AGR2: variants seen among roughly 807,000 people sequenced by gnomAD.
The protein encoded by AGR2 is anterior gradient 2, protein disulphide isomerase family member, also known as anterior gradient protein 2 homolog.
Under a neutral mutation model 25.9 loss-of-function variants are expected in AGR2, and 27 were observed. The observed-to-expected ratio is 1.04, with a 90% confidence interval of 0.77 to 1.44. AGR2 has a LOEUF of 1.44. AGR2 is among the 40% of genes most tolerant of loss of function. The pLI, the probability that AGR2 is intolerant of heterozygous loss-of-function variation, is 0.00. For missense variants in AGR2, 182 were observed against 200.9 expected (o/e 0.91, Z 0.57); for synonymous variants, 78 against 72.0 (o/e 1.08, Z -0.42).
rs1385015005 is a variant in AGR2 at position 16,795,050 on chromosome 7, G to A, written c.395-31C>T. 5 of 1,611,272 alleles carry A rather than the reference G, an allele frequency of 3.1e-6. No homozygotes were observed. The South Asian group carries it at 4.4e-5, about 14-fold the overall frequency. On this transcript the variant is annotated intron_variant, in intron 6 of 7. Coordinates refer to ENST00000419304, the MANE Select transcript of AGR2 (RefSeq NM_006408.4). ...AAGATAAATGAAGCAAAAGGGAATG[G>A]AATGGTTTGTTTTCAAACAACCTGT...
intron 6 of AGR2, among the ~76,000 whole-genome samples, chr7:16,797,339 T>C (rs942591313): frequency 6.6e-6 from 1 of 152,218 alleles, no homozygotes; most frequent in Admixed American, 6.5e-5. Context: ...TTCAGGAAAT[T>C]TATCAATATG....
intron 5 of AGR2, among the ~76,000 whole-genome samples, chr7:16,798,444 G>C (rs543135536): frequency 6.6e-6 from 1 of 152,320 alleles, no homozygotes; most frequent in South Asian, 2.1e-4. Flanking sequence ...AGTGGCGAAA[G>C]AAGGTGCTAG....
chr7:16,792,564 TTTGTC>T lies in AGR2; in HGVS notation c.*339_*343del. 4.2e-6 allele frequency: 1 copy of T among 236,038 alleles called. No homozygotes were observed. Among genetic ancestry groups the T allele is most frequent in the East Asian group, 9.7e-5 (1 of 10,264 alleles). The allele number at this position is 236,038 out of a possible 1,614,324, so 14.6% of individuals were successfully genotyped here. On this transcript the variant is annotated 3_prime_UTR_variant, in exon 8 of 8. Transcript: ENST00000419304. ...CTTCATCATTTGAACTAGTTTTGGT[TTTGTC>T]TTGTCCCTTCCTTGAGCATTTTGTG... is the stretch of plus-strand genomic sequence containing the variant.
rs1377751736 is a variant in AGR2 at position 16,792,026 on chromosome 7, G to A, written c.*882C>T. The A allele has an allele frequency of 6.6e-6, 1 of 152,190 alleles. No homozygotes were observed. The highest frequency in any genetic ancestry group is 1.5e-5 in the Non-Finnish European group (1 of 68,056). 9.4% of individuals were successfully genotyped at this position (152,190 alleles called of 1,614,324 possible). A position where few individuals can be genotyped will look rare whatever the true frequency, so the allele number is the denominator to read the frequency against. On this transcript the variant is annotated 3_prime_UTR_variant, in exon 8 of 8. Transcript: ENST00000419304. ...GTTAGGCAGAATGCTCCCCTACCCT[G>A]ATGCCACAGCCTTTCACGTTTCCTA...
intron 7 of AGR2, 32 bp from the exon 8 acceptor site, chr7:16,792,989 C>A (rs1198570994): frequency 6.3e-7 from 1 of 1,594,458 alleles, no homozygotes; most frequent in African/African-American, 1.3e-5. Context: ...AGAGTCAAGA[C>A]ACCATCGTGC....
Position 16,801,950 on chromosome 7 carries a change from C to T in AGR2, c.-7-147G>A. On this transcript the variant is annotated intron_variant, in intron 1 of 7. Coordinates refer to ENST00000419304, the MANE Select transcript of AGR2 (RefSeq NM_006408.4). Reference sequence around the variant, plus strand: ...CGAGATTGGCGTAAATAGCTCTGTTCCATGGGATTTTCCTAAGAATACAGG... The same window carrying T: ...CGAGATTGGCGTAAATAGCTCTGTTTCATGGGATTTTCCTAAGAATACAGG... The T allele has an allele frequency of 5.0e-6, 3 of 601,634 alleles. No individual in the cohort carries two copies. The East Asian group carries it at 8.4e-5, about 17-fold the overall frequency. 37.3% of individuals were successfully genotyped at this position (601,634 alleles called of 1,614,324 possible). A position where few individuals can be genotyped will look rare whatever the true frequency, so the allele number is the denominator to read the frequency against.
At chr7:16,800,159 GA>G (rs1352693420) in intron 4 of AGR2, among the ~76,000 whole-genome samples, 1 of 152,336 alleles carries the variant, frequency 6.6e-6, no homozygotes, top group East Asian at 1.9e-4. Context: ...ACTTGTGTGG[GA>G]GACAAACCAT....
chr7:16,795,383 C>T (rs181892858), intron 6 of AGR2, among the ~76,000 whole-genome samples: 13 of 146,908 alleles, frequency 8.8e-5, no homozygotes, highest in East Asian at 4.0e-4. Flanking sequence ...ATTCTTGAAA[C>T]GATTATGTTG....
At chr7:16,794,433 C>T (rs575799910) in intron 7 of AGR2, among the ~76,000 whole-genome samples, 41 of 152,304 alleles carry the variant, frequency 2.7e-4, no homozygotes, top group African/African-American at 9.1e-4. Context: ...GTGTCTCTCT[C>T]TCTCTCTGTC....
intron 6 of AGR2, among the ~76,000 whole-genome samples, chr7:16,796,480 C>T (rs991648206): frequency 2.6e-5 from 4 of 152,112 alleles, no homozygotes; most frequent in Admixed American, 6.5e-5. Context: ...TAATGAATTA[C>T]ACAGGTGAAT....
chr7:16,796,077 C>A (rs898481959), intron 6 of AGR2, among the ~76,000 whole-genome samples: 1 of 146,278 alleles, frequency 6.8e-6, no homozygotes, highest in Non-Finnish European at 1.5e-5. Context: ...GCTGTAAACA[C>A]TATGGATGCC....
At chr7:16,797,292 G>T (rs777588693) in intron 6 of AGR2, among the ~76,000 whole-genome samples, 4 of 152,120 alleles carry the variant, frequency 2.6e-5, no homozygotes, top group Non-Finnish European at 5.9e-5. Flanking sequence ...GTGAAAGTTT[G>T]CTGGATTAAA....
chr7:16,792,743 C>G lies in AGR2; in HGVS notation c.*165G>C, dbSNP rs759351939. 2 of 669,136 alleles carry G rather than the reference C, an allele frequency of 3.0e-6. No homozygotes were observed. The highest frequency in any genetic ancestry group is 2.6e-6 in the Non-Finnish European group (1 of 384,992). The allele number at this position is 669,136 out of a possible 1,614,324, so 41.4% of individuals were successfully genotyped here. ...TGTTTTCACACATGTACACTTGAAA[C>G]CAAATTTCTAAAACTTGTTTTTCTT... On this transcript the variant is annotated 3_prime_UTR_variant, in exon 8 of 8. Coordinates refer to ENST00000419304, the MANE Select transcript of AGR2 (RefSeq NM_006408.4).
chr7:16,799,728 T>C lies in AGR2; in HGVS notation c.330+16A>G. 1 of 1,595,220 alleles carries C rather than the reference T, an allele frequency of 6.3e-7. No individual in the cohort carries two copies. Among genetic ancestry groups the C allele is most frequent in the Non-Finnish European group, 8.6e-7 (1 of 1,165,772 alleles). The stretch of plus-strand genomic sequence containing the variant: ...AGCCATAGAGAAATGTTAGTAATGA[T>C]GAAAAGGAAACTTACAACCAGATTG... On this transcript the variant is annotated intron_variant, in intron 5 of 7. Coordinates refer to ENST00000419304, the MANE Select transcript of AGR2 (RefSeq NM_006408.4).
At chr7:16,798,989 G>A (rs1023101072) in intron 5 of AGR2, among the ~76,000 whole-genome samples, 10 of 152,140 alleles carry the variant, frequency 6.6e-5, no homozygotes, top group South Asian at 2.1e-4. Flanking sequence ...TTAGTGTGTC[G>A]GAATTGATTA....
intron 1 of AGR2, chr7:16,803,219 A>C (rs951986364): frequency 2.6e-5 from 4 of 152,212 alleles, no homozygotes; most frequent in African/African-American, 7.2e-5. Flanking sequence ...AGGAAAGTAC[A>C]TGGCAAGATA....
At chr7:16,794,165 A>C (rs1198508277) in intron 7 of AGR2, among the ~76,000 whole-genome samples, 1 of 152,214 alleles carries the variant, frequency 6.6e-6, no homozygotes, top group Admixed American at 6.5e-5. Context: ...AATTTCTGTG[A>C]TGATGGAAAT....
Position 16,801,681 on chromosome 7 carries a change from T to C in AGR2, c.116A>G (p.Lys39Arg). Reference protein sequence around the residue: ...AKKDTKDSRPKLPQTLSRGWG... With the variant: ...AKKDTKDSRPRLPQTLSRGWG... ...ACCTCTGGAGAGGGTCTGGGGCAGT[T>C]TGGGTCGAGAGTCCTTTGTGTCCTT... The change falls in exon 2 of 8, where the codon AAA (lysine) becomes AGA (arginine). Residue 39 changes from lysine (K) to arginine (R), a missense_variant. By Grantham distance (26) the Lys-to-Arg change is conservative (BLOSUM62 2). Coordinates refer to ENST00000419304, the MANE Select transcript of AGR2 (RefSeq NM_006408.4). 1.2e-6 allele frequency: 2 copies of C among 1,613,644 alleles called. No homozygotes were observed. The highest frequency in any genetic ancestry group is 1.7e-6 in the Non-Finnish European group (2 of 1,179,912).
chr7:16,797,773 C>T, intron 5 of AGR2, 79 bp from the exon 6 acceptor site: 3 of 1,179,062 alleles, frequency 2.5e-6, no homozygotes, highest in South Asian at 2.7e-5. Flanking sequence ...AAGAATCTGT[C>T]CATTTCCGGC....
Sources: allele counts gnomAD v4.1 joint callset (sites outside exome capture counted in the v4.1 genomes callset), GRCh38; gene constraint gnomAD v4.1.1; transcripts MANE v1.5; gene names NCBI Gene and HGNC (gene_info 2026-07-23, HGNC 2026-07-21).